Variants in CEP350 observed in about 807,000 individuals in gnomAD.
CEP350 encodes centrosomal protein 350.
Under a neutral mutation model 331.8 loss-of-function variants are expected in CEP350, and 126 were observed. The observed-to-expected ratio is 0.38, with a 90% CI of 0.33 to 0.44. The LOEUF (loss-of-function observed/expected upper bound fraction) is 0.44. Among genes scored for constraint, CEP350 ranks in the 20% least tolerant of loss-of-function variants. The pLI is 1.00. For missense variants in CEP350, 3,406 were observed against 3,634.6 expected, an observed-to-expected ratio of 0.94 and a Z score of 1.62; for synonymous variants, 1,200 against 1,259.5, an observed-to-expected ratio of 0.95 and a Z score of 1.00.
chr1:180,062,073 ATTTTTTAAACTT>A, intron 25 of CEP350, 135 bp from the exon 26 acceptor site: 1 of 639,832 alleles, frequency 1.6e-6, no homozygotes, highest in South Asian at 7.6e-5. Flanking sequence ...CTCCCTCACT[ATTTTTTAAACTT>A]TTCAGTATTA....
At chr1:180,026,868 C>T (rs977942541) in intron 14 of CEP350, among the ~76,000 whole-genome samples, 3 of 152,164 alleles carry the variant, frequency 2.0e-5, no homozygotes, top group African/African-American at 7.2e-5. Context: ...ATCCATTCAT[C>T]TGTTGATGGA....
chr1:179,987,664 C>T (rs1163572247), intron 3 of CEP350, among the ~76,000 whole-genome samples: 4 of 151,840 alleles, frequency 2.6e-5, no homozygotes, highest in Non-Finnish European at 5.9e-5. Context: ...CGGTGGCTTA[C>T]TCCTGTAATC....
intron 17 of CEP350, among the ~76,000 whole-genome samples, chr1:180,039,038 G>A (rs1209952153): frequency 2.9e-5 from 4 of 138,276 alleles, no homozygotes; most frequent in Admixed American, 2.4e-4. Flanking sequence ...GCAACATGGC[G>A]AAATCCCGTC....
Position 180,078,468 on chromosome 1 carries a change from G to A in CEP350, c.5773G>A (p.Ala1925Thr), listed in dbSNP as rs760394823. ...TTTTCACCTTCTCTGTCTAGAAATA[G>A]CAAGTGAAGAGGAATCTCCAGTACC... The part of the protein sequence containing the change: ...EDQRTEQKEI[A>T]SEEESPVPLY... Residue 1925 changes from alanine to threonine, a missense_variant, in exon 29 of 38, where the codon GCA becomes ACA. Ala to Thr is a moderately conservative substitution (Grantham distance 58). Transcript: ENST00000367607. The A allele has an allele frequency of 1.2e-6, 2 of 1,609,126 alleles. No homozygotes were observed. The highest frequency in any genetic ancestry group is 1.7e-6 in the Non-Finnish European group (2 of 1,177,074).
chr1:179,990,369 A>G (rs562957952), intron 3 of CEP350, 138 bp from the exon 4 acceptor site: 323 of 414,654 alleles, frequency 7.8e-4, no homozygotes, highest in African/African-American at 6.2e-3. Flanking sequence ...AACAAATATT[A>G]TAAGAAAGGA....
At chr1:180,100,770 C>T (rs1160395322) in intron 37 of CEP350, among the ~76,000 whole-genome samples, 1 of 152,166 alleles carries the variant, frequency 6.6e-6, no homozygotes, top group Non-Finnish European at 1.5e-5. Context: ...AAGATGAATA[C>T]ATGGCAGCAG....
At position 180,015,907 on chromosome 1, in the gene CEP350, G is replaced by A. The variant is rs867400047; in HGVS notation, c.2111G>A (p.Arg704His). Residue 704 changes from arginine (R) to histidine (H), a missense_variant, in exon 11 of 38, where the codon CGT becomes CAT. By Grantham distance (29) the Arg-to-His change is conservative. Around this residue, in one of 5 missense-constraint regions of CEP350, gnomAD observed 1,857 missense variants for 1,909.2 expected, o/e 0.97. Coordinates refer to ENST00000367607, the MANE Select transcript of CEP350 (RefSeq NM_014810.5). ...GACAAAGAAAACAAAGTACAGGAACGTCCCCCAAGTGCATCTTCCAGTAGT... is the reference window on the plus strand; with the variant it reads ...GACAAAGAAAACAAAGTACAGGAACATCCCCCAAGTGCATCTTCCAGTAGT... The part of the protein sequence containing the change: ...ESDKENKVQE[R>H]PPSASSSSDM... 5 of 1,613,894 alleles carry A rather than the reference G, an allele frequency of 3.1e-6. No individual in the cohort carries two copies. The highest frequency in any genetic ancestry group is 1.7e-5 in the Admixed American group (1 of 60,010).
Position 180,092,669 on chromosome 1 carries a change from T to C in CEP350, c.6564T>C (p.Tyr2188=). 1 of 1,612,982 alleles carries C rather than the reference T, an allele frequency of 6.2e-7. No homozygotes were observed. Among genetic ancestry groups the C allele is most frequent in the South Asian group, 1.1e-5 (1 of 90,906 alleles). The part of the protein sequence containing the change: ...RSVSERSLSA[Y]AKRVNEWDSR... ...TATCAGAAAGGTCTTTATCTGCATA[T>C]GCAAAGAGAGTAAATGAATGGGACA... Residue 2188 remains tyrosine, a synonymous_variant, in exon 34 of 38, where the codon TAT becomes TAC. Transcript: ENST00000367607.
chr1:180,065,093 T>C, intron 26 of CEP350, 22 bp from the exon 27 acceptor site: 1 of 1,572,364 alleles, frequency 6.4e-7, no homozygotes, highest in Non-Finnish European at 8.6e-7. Flanking sequence ...TCCAATACAA[T>C]TTTGCCTCTT....
intron 9 of CEP350, among the ~76,000 whole-genome samples, chr1:180,013,597 A>C (rs773104926): frequency 6.6e-6 from 1 of 152,194 alleles, no homozygotes; most frequent in Admixed American, 6.5e-5. Context: ...TTTTTTGTCC[A>C]GAAATATTTC....
intron 1 of CEP350, among the ~76,000 whole-genome samples, chr1:179,982,367 C>G (rs1385460488): frequency 1.3e-5 from 2 of 152,166 alleles, no homozygotes; most frequent in African/African-American, 4.8e-5. Context: ...TATCTTTTTG[C>G]ATGTAGTTGT....
In CEP350 at chr1:180,095,901, GAAAGCACTAGTA is replaced by G; in HGVS notation, c.8895_8906del (p.Ser2965_Lys2968del). ...CTGTGCCAGTAAAGGTCTAGATATA[GAAAGCACTAGTA>G]AAAGGGTCTACAAACAGGTAGGTGA... On this transcript the variant is annotated inframe_deletion, in exon 35 of 38. Coordinates refer to ENST00000367607, the MANE Select transcript of CEP350 (RefSeq NM_014810.5). 6.2e-7 allele frequency: 1 copy of G among 1,606,458 alleles called. No homozygotes were observed.
chr1:180,096,396 T>A (rs1168980331), intron 36 of CEP350, among the ~76,000 whole-genome samples: 1 of 106,310 alleles, frequency 9.4e-6, no homozygotes, highest in Non-Finnish European at 2.3e-5. Flanking sequence ...AATCCTCAAG[T>A]TTGTGCAAAA....
intron 37 of CEP350, among the ~76,000 whole-genome samples, chr1:180,109,308 C>T (rs528791820): frequency 1.5e-4 from 23 of 152,018 alleles, no homozygotes; most frequent in Admixed American, 9.8e-4. Flanking sequence ...TTAGTAGAAA[C>T]GGGGTTTCAC....
At chr1:180,038,563 AT>A (rs1293679666) in intron 17 of CEP350, among the ~76,000 whole-genome samples, 2 of 152,122 alleles carry the variant, frequency 1.3e-5, no homozygotes, top group African/African-American at 4.8e-5. Flanking sequence ...TCAGTCTTTT[AT>A]TTCAGTCATT....
chr1:179,983,645 G>A (rs1175995584), intron 1 of CEP350, among the ~76,000 whole-genome samples: 1 of 152,124 alleles, frequency 6.6e-6, no homozygotes, highest in Non-Finnish European at 1.5e-5. Flanking sequence ...ATACCTTTTA[G>A]TTTTACATAT....
chr1:179,955,539 T>C (rs1381361282), intron 1 of CEP350, among the ~76,000 whole-genome samples: 1 of 152,172 alleles, frequency 6.6e-6, no homozygotes, highest in Non-Finnish European at 1.5e-5. Flanking sequence ...TTCTGTTCCT[T>C]TTCAGTGGGG....
chr1:179,996,546 A>G lies in CEP350; in HGVS notation c.396-7A>G. 6.6e-7 allele frequency: 1 copy of G among 1,525,326 alleles called. No individual in the cohort carries two copies. The highest frequency in any genetic ancestry group is 8.8e-7 in the Non-Finnish European group (1 of 1,130,140). The allele number at this position is 1,525,326 out of a possible 1,614,324, so 94.5% of individuals were successfully genotyped here. On this transcript the variant is annotated splice_polypyrimidine_tract_variant and splice_region_variant and intron_variant, in intron 5 of 37. Coordinates refer to ENST00000367607, the MANE Select transcript of CEP350 (RefSeq NM_014810.5). The stretch of plus-strand genomic sequence containing the variant: ...ATAGTCACAGAGCTTATTATTTTTT[A>G]TTGTAGGGAAATCCATGGTGCACCT...
At chr1:180,071,014 G>GAT (rs1658846468) in intron 27 of CEP350, among the ~76,000 whole-genome samples, 1 of 151,716 alleles carries the variant, frequency 6.6e-6, no homozygotes, top group Non-Finnish European at 1.5e-5. Context: ...TGGGCATGGC[G>GAT]GCGCGTGCCT....
Sources: gnomAD v4.1 joint callset for allele counts (sites outside exome capture counted in the v4.1 genomes callset) on GRCh38, gnomAD v4.1.1 for gene constraint, gnomAD v4.1.1 regional missense constraint, MANE v1.5 for transcripts, NCBI Gene and HGNC (gene_info 2026-07-23, HGNC 2026-07-21) for gene names.